SIPA1L2: variants seen among roughly 807,000 people sequenced by gnomAD.
SIPA1L2 encodes the protein signal-induced proliferation-associated 1-like protein 2.
A neutral mutation model predicts 163.9 loss-of-function variants in SIPA1L2; 56 were observed. The ratio of observed to expected loss-of-function variants is 0.34; its 90% confidence interval spans 0.28 to 0.43. The LOEUF (loss-of-function observed/expected upper bound fraction) is 0.43. Ranked by LOEUF, SIPA1L2 falls within the 20% of genes least tolerant of loss-of-function variation. The pLI, the probability that SIPA1L2 is intolerant of heterozygous loss-of-function variation, is 1.00. For synonymous variants in SIPA1L2, 877 were observed against 865.7 expected (o/e 1.01, Z -0.23); for missense variants, 1,974 against 2,193.5 (o/e 0.90, Z 2.00).
intron 16 of SIPA1L2, among the ~76,000 whole-genome samples, chr1:232,431,332 A>G (rs1173768300): frequency 2.0e-5 from 3 of 152,218 alleles, no homozygotes; most frequent in Non-Finnish European, 4.4e-5. Context: ...TTTTTTAACA[A>G]AAGATTCCAT....
intron 2 of SIPA1L2, among the ~76,000 whole-genome samples, chr1:232,525,766 A>T (rs905171910): frequency 4.6e-5 from 7 of 152,150 alleles, no homozygotes; most frequent in African/African-American, 1.7e-4. Context: ...TAGCACACTT[A>T]GATAACTGTT....
At chr1:232,544,538 C>T (rs1475292797) in intron 2 of SIPA1L2, among the ~76,000 whole-genome samples, 1 of 145,286 alleles carries the variant, frequency 6.9e-6, no homozygotes, top group Non-Finnish European at 1.5e-5. Context: ...CCAGCCTGGG[C>T]GACAGAGCGA....
At chr1:232,609,231 G>C (rs1268009337) in intron 1 of SIPA1L2, among the ~76,000 whole-genome samples, 1 of 152,148 alleles carries the variant, frequency 6.6e-6, no homozygotes, top group Admixed American at 6.5e-5. Context: ...ACAAAATCCA[G>C]AATCCGTTTT....
chr1:232,441,530 G>T, intron 13 of SIPA1L2, 136 bp from the exon 14 acceptor site: 1 of 831,438 alleles, frequency 1.2e-6, no homozygotes, highest in Non-Finnish European at 2.0e-6. Flanking sequence ...TCTTACCAAT[G>T]GATATGTCAC....
rs1558277848 is a variant in SIPA1L2 at position 232,572,768 on chromosome 1, TATATATATA to T, written c.-270+1397_-270+1405del. 0.029 allele frequency among the ~76,000 whole-genome samples: 2,415 copies of T among 81,936 alleles called. 202 individuals are homozygous for T. The East Asian group carries it at 0.38, about 13-fold the overall frequency. 53.8% of individuals were successfully genotyped at this position (81,936 alleles called of 152,430 possible). A position where few individuals can be genotyped will look rare whatever the true frequency, so the allele number is the denominator to read the frequency against. Reference sequence around the variant, plus strand: ...ATATATATATATATATATATATATATATATATATATATTTATTTATTTATTTTTTCCTTG... The same window carrying T: ...ATATATATATATATATATATATATATTATTTATTTATTTATTTTTTCCTTG... On this transcript the variant is annotated intron_variant, in intron 2 of 22. Coordinates refer to ENST00000674635, the MANE Select transcript of SIPA1L2 (RefSeq NM_020808.5).
At chr1:232,532,605 A>C (rs1657033603) in intron 2 of SIPA1L2, among the ~76,000 whole-genome samples, 1 of 152,202 alleles carries the variant, frequency 6.6e-6, no homozygotes, top group African/African-American at 2.4e-5. Context: ...TGGGGATAAA[A>C]AAATAAATTT....
chr1:232,425,833 A>G (rs774897508), intron 17 of SIPA1L2, 25 bp from the exon 18 acceptor site: 1 of 1,602,358 alleles, frequency 6.2e-7, no homozygotes, highest in South Asian at 1.1e-5. Context: ...AGGTGCGAGG[A>G]GGGAACAGAC....
chr1:232,414,680 A>G (rs1661146606), intron 19 of SIPA1L2, among the ~76,000 whole-genome samples: 1 of 152,174 alleles, frequency 6.6e-6, no homozygotes, highest in African/African-American at 2.4e-5. Flanking sequence ...CTCCTTTGTC[A>G]GTCCTAGCTG....
At chr1:232,517,227 T>C (rs1667256371) in intron 2 of SIPA1L2, among the ~76,000 whole-genome samples, 1 of 152,190 alleles carries the variant, frequency 6.6e-6, no homozygotes, top group Non-Finnish European at 1.5e-5. Context: ...CTTTTATTTA[T>C]AAAATAAATG....
rs766563249 is a variant in SIPA1L2 at position 232,439,515 on chromosome 1, CAG to C, written c.3643-21_3643-20del. On this transcript the variant is annotated intron_variant, in intron 14 of 22. Transcript: ENST00000674635. ...CCCCAATCTTCAGAAGAAAGAGGAA[CAG>C]AGAGTTCTCAAGTGAATCTTGAACT... 6.3e-7 allele frequency: 1 copy of C among 1,599,798 alleles called. No individual in the cohort carries two copies. The highest frequency in any genetic ancestry group is 1.3e-5 in the African/African-American group (1 of 74,664).
intron 2 of SIPA1L2, among the ~76,000 whole-genome samples, chr1:232,537,302 A>T (rs1329999881): frequency 6.6e-6 from 1 of 152,208 alleles, no homozygotes; most frequent in Non-Finnish European, 1.5e-5. Context: ...ATTTGTAAAT[A>T]CAGAATGTCC....
intron 7 of SIPA1L2, 24 bp downstream of exon 7, chr1:232,479,603 A>G (rs934469006): frequency 1.2e-5 from 19 of 1,592,670 alleles, no homozygotes; most frequent in Admixed American, 1.7e-5. Flanking sequence ...CAGCGTAAAA[A>G]GCTCCAGGCT....
chr1:232,451,208 T>C lies in SIPA1L2; in HGVS notation c.3096-5422A>G, dbSNP rs114501350. On this transcript the variant is annotated intron_variant, in intron 10 of 22. Coordinates refer to ENST00000674635, the MANE Select transcript of SIPA1L2 (RefSeq NM_020808.5). ...CGTTCCATATATATGAGAAATTCCT[T>C]AAAGGATGCATACAGAAAATTCAAC... 9.2e-3 allele frequency among the ~76,000 whole-genome samples: 1,403 copies of C among 152,266 alleles called. 24 individuals carry two copies. Among genetic ancestry groups the C allele is most frequent in the African/African-American group, 0.033 (1,357 of 41,532 alleles).
rs1403190875 is a variant in SIPA1L2, at chr1:232,399,033, C to A, written c.*94G>T. ...CAGAATGGAACAGCAAAAACATCTA[C>A]GATTGGTTGAAAGCACACAGAAAAA... On this transcript the variant is annotated 3_prime_UTR_variant, in exon 23 of 23. Transcript: ENST00000674635. 8.4e-6 allele frequency: 13 copies of A among 1,544,504 alleles called. No homozygotes were observed. Among genetic ancestry groups the A allele is most frequent in the African/African-American group, 1.4e-5 (1 of 73,712 alleles).
chr1:232,564,442 A>G (rs1659282048), intron 2 of SIPA1L2, among the ~76,000 whole-genome samples: 1 of 152,016 alleles, frequency 6.6e-6, no homozygotes, highest in Non-Finnish European at 1.5e-5. Flanking sequence ...AACAAAAACC[A>G]GGAGGGAGGG....
chr1:232,503,981 A>G (rs1472871407), intron 3 of SIPA1L2, among the ~76,000 whole-genome samples: 1 of 152,198 alleles, frequency 6.6e-6, no homozygotes, highest in African/African-American at 2.4e-5. Context: ...GCTTGAGGCC[A>G]GGAGTTTGAG....
chr1:232,466,339 A>C (rs1256088821), intron 8 of SIPA1L2, among the ~76,000 whole-genome samples: 1 of 152,214 alleles, frequency 6.6e-6, no homozygotes, highest in Non-Finnish European at 1.5e-5. Flanking sequence ...CAAAGTTTTA[A>C]GGGATCTCAG....
chr1:232,414,660 AT>A (rs2102776470), intron 19 of SIPA1L2, among the ~76,000 whole-genome samples: 1 of 152,236 alleles, frequency 6.6e-6, no homozygotes, highest in South Asian at 2.1e-4. Context: ...CCCTACTAAA[AT>A]GATCCTGCCT....
chr1:232,591,072 G>C (rs1055838959), intron 1 of SIPA1L2, among the ~76,000 whole-genome samples: 2 of 152,192 alleles, frequency 1.3e-5, no homozygotes, highest in Non-Finnish European at 2.9e-5. Flanking sequence ...CAACACAGGG[G>C]AGCAGTGATG....
Sources: allele counts gnomAD v4.1 joint callset (sites outside exome capture counted in the v4.1 genomes callset), GRCh38; gene constraint gnomAD v4.1.1; transcripts MANE v1.5; gene names NCBI Gene and HGNC (gene_info 2026-07-23, HGNC 2026-07-21).